Variants in CCSER1 observed in about 807,000 individuals in gnomAD.
The protein encoded by CCSER1 is coiled-coil serine rich protein 1.
A neutral mutation model predicts 82.0 loss-of-function variants in CCSER1; 41 were observed. The observed-to-expected ratio is 0.50, with a 90% CI of 0.39 to 0.65. The LOEUF (loss-of-function observed/expected upper bound fraction) is 0.65, where lower values mean the gene tolerates loss of function less well. CCSER1 is among the 30% of genes least tolerant of loss of function. The pLI is 0.00. For missense variants in CCSER1, 1,119 were observed against 1,064.2 expected (o/e 1.05, Z -0.72); for synonymous variants, 414 against 383.9 (o/e 1.08, Z -0.92).
chr4:91,364,226 G>A (rs1342007371), intron 10 of CCSER1, among the ~76,000 whole-genome samples: 1 of 151,908 alleles, frequency 6.6e-6, no homozygotes, highest in Non-Finnish European at 1.5e-5. Flanking sequence ...GTAGCTCCTT[G>A]TCTTCAGTTC....
rs577442215 is a variant in CCSER1 at position 91,218,511 on chromosome 4, C to CT, written c.2217+132518dup. On this transcript the variant is annotated intron_variant, in intron 10 of 10. Transcript: ENST00000509176. ...CGAGAGCAAGTGAGGGCTCTGACGA[C>CT]TGCCAGCATGCTGTCACCTCTCAGT... Among the ~76,000 whole-genome samples, 9 of 152,354 alleles carry CT rather than the reference C, an allele frequency of 5.9e-5. No homozygotes were observed. In the South Asian group the frequency reaches 1.9e-3, roughly 32 times the overall value.
intron 1 of CCSER1, among the ~76,000 whole-genome samples, chr4:90,273,318 A>G (rs966506452): frequency 6.6e-6 from 1 of 152,116 alleles, no homozygotes; most frequent in Non-Finnish European, 1.5e-5. Context: ...CAGGGTCATT[A>G]TATTCAATAA....
chr4:90,986,633 A>G (rs1302292931), intron 9 of CCSER1, among the ~76,000 whole-genome samples: 5 of 151,686 alleles, frequency 3.3e-5, no homozygotes, highest in Admixed American at 1.3e-4. Flanking sequence ...ACCACATGCA[A>G]TAACCCTCAG....
chr4:90,763,275 GGA>G (rs1750681442), intron 7 of CCSER1, among the ~76,000 whole-genome samples: 1 of 151,990 alleles, frequency 6.6e-6, no homozygotes, highest in Non-Finnish European at 1.5e-5. Flanking sequence ...ACTCATGGGT[GGA>G]GAGAGGTCAA....
intron 8 of CCSER1, among the ~76,000 whole-genome samples, chr4:90,899,288 T>G (rs1724241549): frequency 6.6e-6 from 1 of 152,142 alleles, no homozygotes; most frequent in Non-Finnish European, 1.5e-5. Flanking sequence ...CAATTGATTT[T>G]GGGTACATTA....
At chr4:90,683,549 T>A (rs1734269463) in intron 6 of CCSER1, among the ~76,000 whole-genome samples, 1 of 152,034 alleles carries the variant, frequency 6.6e-6, no homozygotes, top group Admixed American at 6.6e-5. Context: ...TGAAAAGAAC[T>A]TGCAAAAGAA....
chr4:91,337,422 A>G (rs1167002760), intron 10 of CCSER1, among the ~76,000 whole-genome samples: 2 of 152,174 alleles, frequency 1.3e-5, no homozygotes, highest in Admixed American at 1.3e-4. Context: ...GTTAATCTAA[A>G]TTGGAATACA....
intron 6 of CCSER1, among the ~76,000 whole-genome samples, chr4:90,710,047 G>T (rs1362848931): frequency 1.3e-5 from 2 of 150,040 alleles, no homozygotes; most frequent in Non-Finnish European, 3.0e-5. Flanking sequence ...CAGTGATGTT[G>T]AGCTTTTTTG....
chr4:90,694,722 C>T (rs1441303808), intron 6 of CCSER1, among the ~76,000 whole-genome samples: 1 of 151,630 alleles, frequency 6.6e-6, no homozygotes, highest in Admixed American at 6.6e-5. Context: ...TTAAATGTGC[C>T]AACCTCCCTT....
intron 5 of CCSER1, among the ~76,000 whole-genome samples, chr4:90,618,662 T>C (rs1163105017): frequency 6.6e-6 from 1 of 151,918 alleles, no homozygotes; most frequent in Non-Finnish European, 1.5e-5. Context: ...TTGTGGCTCA[T>C]TATTCTGATA....
chr4:91,516,226 G>A lies in CCSER1; in HGVS notation c.2218-82346G>A, dbSNP rs572560659. Reference sequence around the variant, plus strand: ...TCTTAAGTTTAATTAGATCTCATTTGTCAATTTTTGCCTTTGTTGCAATTG... The same window carrying A: ...TCTTAAGTTTAATTAGATCTCATTTATCAATTTTTGCCTTTGTTGCAATTG... On this transcript the variant is annotated intron_variant, in intron 10 of 10. Coordinates refer to ENST00000509176, the MANE Select transcript of CCSER1 (RefSeq NM_001145065.2). 1.3e-5 allele frequency among the ~76,000 whole-genome samples: 2 copies of A among 152,076 alleles called. 1 individual carries two copies. Among genetic ancestry groups the A allele is most frequent in the African/African-American group, 4.8e-5 (2 of 41,480 alleles).
chr4:91,096,613 C>T (rs904264134), intron 10 of CCSER1, among the ~76,000 whole-genome samples: 1 of 152,122 alleles, frequency 6.6e-6, no homozygotes, highest in African/African-American at 2.4e-5. Context: ...GCTAACTTAC[C>T]TCTAATTCGG....
At position 90,592,686 on chromosome 4, in the gene CCSER1, G is replaced by C. The variant is rs571255017; in HGVS notation, c.1725-35339G>C. Among the ~76,000 whole-genome samples, 12 of 152,056 alleles carry C rather than the reference G, an allele frequency of 7.9e-5. No individual in the cohort carries two copies. In the East Asian group the frequency reaches 2.3e-3, roughly 29 times the overall value. On this transcript the variant is annotated intron_variant, in intron 5 of 10. Coordinates refer to ENST00000509176, the MANE Select transcript of CCSER1 (RefSeq NM_001145065.2). ...CCCCATATGCTTCTCATTATTTTGTGTTGTATTAGCTTTCTTTTTTTTCAT... is the reference window on the plus strand; with the variant it reads ...CCCCATATGCTTCTCATTATTTTGTCTTGTATTAGCTTTCTTTTTTTTCAT...
intron 4 of CCSER1, among the ~76,000 whole-genome samples, chr4:90,426,407 G>T (rs752194079): frequency 6.6e-6 from 1 of 152,060 alleles, no homozygotes; most frequent in Admixed American, 6.6e-5. Context: ...TCTGTGGGCC[G>T]CATTAGGTGG....
intron 9 of CCSER1, among the ~76,000 whole-genome samples, chr4:91,053,721 G>A (rs1353342281): frequency 6.6e-6 from 1 of 152,204 alleles, no homozygotes; most frequent in African/African-American, 2.4e-5. Context: ...ATGGATAAGT[G>A]AGCCTAAATG....
chr4:90,694,795 G>GT (rs1491420423), intron 6 of CCSER1, among the ~76,000 whole-genome samples: 82 of 104,074 alleles, frequency 7.9e-4, no homozygotes, highest in African/African-American at 1.8e-3. Flanking sequence ...ATGTGTGTGT[G>GT]GGGTGTGTGT....
chr4:90,516,467 AAGGAGAGGGTT>A (rs1772283290), intron 5 of CCSER1, among the ~76,000 whole-genome samples: 2 of 152,122 alleles, frequency 1.3e-5, no homozygotes, highest in Non-Finnish European at 2.9e-5. Context: ...TGGAGCTGAG[AAGGAGAGGGTT>A]ATAGAGGGCA....
intron 10 of CCSER1, among the ~76,000 whole-genome samples, chr4:91,337,775 A>C (rs1747421880): frequency 6.6e-6 from 1 of 152,112 alleles, no homozygotes; most frequent in Non-Finnish European, 1.5e-5. Context: ...TCTGGGTGAA[A>C]CTAACATTTT....
chr4:91,554,139 A>G (rs1301752102), intron 10 of CCSER1, among the ~76,000 whole-genome samples: 1 of 151,506 alleles, frequency 6.6e-6, no homozygotes, highest in Non-Finnish European at 1.5e-5. Flanking sequence ...TTATCCTCTG[A>G]CATTGTTTAT....
Sources: allele counts gnomAD v4.1 joint callset (sites outside exome capture counted in the v4.1 genomes callset), GRCh38; gene constraint gnomAD v4.1.1; transcripts MANE v1.5; gene names NCBI Gene and HGNC (gene_info 2026-07-23, HGNC 2026-07-21).